The following TNS1 variants were observed in gnomAD, a reference collection of about 807,000 sequenced individuals.
TNS1 encodes tensin-1.
In TNS1, 62 loss-of-function variants were observed where a neutral mutation model predicts 168.6. The ratio of observed to expected loss-of-function variants is 0.37; its 90% CI spans 0.30 to 0.45. The LOEUF (loss-of-function observed/expected upper bound fraction) is 0.45, where lower values mean the gene tolerates loss of function less well. TNS1 is among the 20% of genes least tolerant of loss of function. The pLI, the probability that TNS1 is intolerant of heterozygous loss-of-function variation, is 1.00. For synonymous variants in TNS1, 934 were observed against 933.2 expected, an observed-to-expected ratio of 1.00 and a Z score of -0.02; for missense variants, 2,240 against 2,339.4, an observed-to-expected ratio of 0.96 and a Z score of 0.88.
upstream of TNS1, among the ~76,000 whole-genome samples, chr2:218,003,458 T>C (rs576352460): frequency 2.0e-5 from 3 of 152,198 alleles, 1 homozygote; most frequent in South Asian, 6.2e-4. Context: ...CCTGGCCTCC[T>C]CGGAACACAC....
At chr2:217,877,376 A>G (rs913873952) in intron 18 of TNS1, among the ~76,000 whole-genome samples, 1 of 152,194 alleles carries the variant, frequency 6.6e-6, no homozygotes, top group Non-Finnish European at 1.5e-5. Context: ...TTGGATTCCA[A>G]TATCAACTCC....
At position 217,880,014 on chromosome 2, in the gene TNS1, A is replaced by ATGGG. The variant is rs1373357464; in HGVS notation, c.1429+880_1429+883dup. ...TCTCAGTCACCCCAACTGAACACAG[A>ATGGG]TGGGTGATGGGCTGGACCATCCTGA... On this transcript the variant is annotated intron_variant, in intron 18 of 32. Coordinates refer to ENST00000682258, the MANE Select transcript of TNS1 (RefSeq NM_001387777.1). This position sits in a 1 kb window ranked among gnomAD's most constrained non-coding sequence, Gnocchi z 4.2. Among the ~76,000 whole-genome samples the ATGGG allele has an allele frequency of 1.3e-5, 2 of 152,194 alleles. No homozygotes were observed. The highest frequency in any genetic ancestry group is 2.4e-5 in the African/African-American group (1 of 41,458).
At position 217,978,809 on chromosome 2, in the gene TNS1, G is replaced by A. The variant is rs1433082248; in HGVS notation, c.149-7C>T. The A allele has an allele frequency of 8.5e-6, 6 of 702,250 alleles. No homozygotes were observed. Among genetic ancestry groups the A allele is most frequent in the East Asian group, 8.1e-5 (3 of 37,246 alleles). 43.5% of individuals were successfully genotyped at this position (702,250 alleles called of 1,614,324 possible). On this transcript the variant is annotated splice_region_variant and splice_polypyrimidine_tract_variant and intron_variant, in intron 2 of 32. Transcript: ENST00000682258. ...TGACAGGAGAAGCTGCAGACTGCAA[G>A]AGGGCGAGACACAGAAAGAAAGTTT... is the stretch of plus-strand genomic sequence containing the variant.
chr2:217,890,595 G>A (rs1266555326), intron 12 of TNS1: 2 of 233,122 alleles, frequency 8.6e-6, no homozygotes, highest in Non-Finnish European at 8.4e-6. Flanking sequence ...GGGCAGTGAT[G>A]CAGTCTCCCG....
At chr2:218,010,066 T>TGGGGGGGGGGGGGGGGGGGGGGGGGGG in intron 1 of TNS1, 1 of 169,404 alleles carries the variant, frequency 5.9e-6, no homozygotes, top group Non-Finnish European at 1.1e-5. Flanking sequence ...CGGGGGGGGG[T>TGGGGGGGGGGGGGGGGGGGGGGGGGGG]CGGAAGGGGC....
intron 1 of TNS1, among the ~76,000 whole-genome samples, chr2:218,002,030 AG>A (rs1168702698): frequency 1.3e-5 from 2 of 152,148 alleles, no homozygotes; most frequent in East Asian, 3.9e-4. Flanking sequence ...CCTCTGAGGA[AG>A]GGGTCCTCTC....
intron 20 of TNS1, among the ~76,000 whole-genome samples, chr2:217,835,600 A>G (rs955776656): frequency 3.9e-5 from 6 of 152,216 alleles, no homozygotes; most frequent in African/African-American, 1.2e-4. Flanking sequence ...GCCTCCAACT[A>G]CTGAAATGTC....
rs1947084236 is a variant in TNS1, at chr2:217,848,927, G to C, written c.1590C>G (p.Asp530Glu). 1 of 1,614,042 alleles carries C rather than the reference G, an allele frequency of 6.2e-7. No homozygotes were observed. Among genetic ancestry groups the C allele is most frequent in the African/African-American group, 1.3e-5 (1 of 74,922 alleles). The change falls in exon 19 of 33, where the codon GAC becomes GAG. Residue 530 changes from aspartate (D) to glutamate (E), a missense_variant. Coordinates refer to ENST00000682258, the MANE Select transcript of TNS1 (RefSeq NM_001387777.1). ...TGGTGGAGGCTGTGGAGTTGCCCGA[G>C]TCGCTGCTCACAGAAAGCGTGTGTT... is the stretch of plus-strand genomic sequence containing the variant. The part of the protein sequence containing the change: ...HVEHTLSVSS[D>E]SGNSTASTKT...
intron 3 of TNS1, among the ~76,000 whole-genome samples, chr2:217,925,229 G>T (rs61088813): frequency 1.3e-5 from 2 of 151,676 alleles, no homozygotes; most frequent in Non-Finnish European, 2.9e-5. Flanking sequence ...TTTTTTGTGC[G>T]TGTGGCCTGT....
Position 217,829,784 on chromosome 2 carries a change from C to T in TNS1, c.3373+1671G>A, listed in dbSNP as rs1276733603. On this transcript the variant is annotated intron_variant, in intron 22 of 32. Transcript: ENST00000682258. ...TGCCTCCAGCCAGCCTCTTCAAGCC[C>T]TGCTTTGAAAAGCCATTTCCAGACC... 1.7e-5 allele frequency: 26 copies of T among 1,520,100 alleles called. No individual in the cohort carries two copies. In the African/African-American group the frequency reaches 4.0e-4, roughly 23 times the overall value. 94.2% of individuals were successfully genotyped at this position (1,520,100 alleles called of 1,614,324 possible).
chr2:217,877,196 C>G (rs896246669), intron 18 of TNS1, among the ~76,000 whole-genome samples: 4 of 152,124 alleles, frequency 2.6e-5, no homozygotes, highest in African/African-American at 9.7e-5. Flanking sequence ...TACACAGAGA[C>G]ACAGCTGGAC....
chr2:217,808,814 C>A, intron 30 of TNS1, 143 bp from the exon 31 acceptor site: 1 of 719,004 alleles, frequency 1.4e-6, no homozygotes, highest in Non-Finnish European at 2.4e-6. Flanking sequence ...GCAAGATGGC[C>A]TGAGCTGTTG....
At position 218,025,906 on chromosome 2, in the gene TNS1, C is replaced by T. The variant is rs188108737; in HGVS notation, c.156+7914G>A. 4.2e-3 allele frequency among the ~76,000 whole-genome samples: 638 copies of T among 152,288 alleles called. 6 individuals are homozygous for T. Among genetic ancestry groups the T allele is most frequent in the Non-Finnish European group, 6.3e-3 (429 of 68,026 alleles). The stretch of plus-strand genomic sequence containing the variant: ...CCTGTTGGCTTTGCCGAACTCCTCT[C>T]GGAGTGCAATGAGGCTAGGACGCAT... On this transcript the variant is annotated intron_variant, in intron 1 of 1. Coordinates refer to the TNS1 transcript ENST00000649572.
intron 3 of TNS1, 82 bp from the exon 4 acceptor site, chr2:217,920,318 T>C: frequency 1.4e-6 from 1 of 696,938 alleles, no homozygotes; most frequent in Non-Finnish European, 2.6e-6. Flanking sequence ...ACCCCACACC[T>C]CCCCCTGCTT....
At chr2:218,002,436 GCCT>G (rs1185774848) in intron 1 of TNS1, among the ~76,000 whole-genome samples, 7 of 152,172 alleles carry the variant, frequency 4.6e-5, no homozygotes, top group Admixed American at 4.6e-4. Flanking sequence ...CCCCACCACT[GCCT>G]CCTCCTCAAG....
At chr2:217,828,161 G>A (rs1416663850) in intron 22 of TNS1, among the ~76,000 whole-genome samples, 2 of 152,200 alleles carry the variant, frequency 1.3e-5, no homozygotes, top group African/African-American at 4.8e-5. Flanking sequence ...GAGGCTGCGG[G>A]GGAGCAAGGA....
chr2:217,885,905 A>G, intron 14 of TNS1, 86 bp from the exon 15 acceptor site: 1 of 1,551,982 alleles, frequency 6.4e-7, no homozygotes, highest in African/African-American at 1.4e-5. Context: ...CCCCTACGCC[A>G]CAGGGTTAGT....
chr2:217,938,186 C>G (rs908458993), intron 3 of TNS1, among the ~76,000 whole-genome samples: 1 of 152,228 alleles, frequency 6.6e-6, no homozygotes, highest in African/African-American at 2.4e-5. Flanking sequence ...CCTTTTGCAG[C>G]TGCAACTGGG....
intron 18 of TNS1, among the ~76,000 whole-genome samples, chr2:217,866,034 C>A (rs1206249474): frequency 2.6e-5 from 4 of 152,142 alleles, no homozygotes; most frequent in Non-Finnish European, 5.9e-5. Context: ...AGTCCTGGCA[C>A]CTGTTCCTGT....
Sources: gnomAD v4.1 joint callset for allele counts (sites outside exome capture counted in the v4.1 genomes callset) on GRCh38, gnomAD v4.1.1 for gene constraint, Gnocchi (gnomAD v3.1) non-coding constraint, MANE v1.5 for transcripts, NCBI Gene and HGNC (gene_info 2026-07-23, HGNC 2026-07-21) for gene names.